The following CPS1 variants were observed in gnomAD, a reference collection of about 807,000 sequenced individuals.
CPS1 encodes the protein carbamoyl-phosphate synthase 1.
In CPS1, 109 loss-of-function variants were observed where a neutral mutation model predicts 174.6. The observed-to-expected ratio is 0.62, with a 90% CI of 0.53 to 0.73. CPS1 has a LOEUF of 0.73. CPS1 is among the 30% of genes least tolerant of loss of function. CPS1 has a pLI of 0.00. For missense variants in CPS1, 1,689 were observed against 1,821.9 expected (o/e 0.93, Z 1.33); for synonymous variants, 637 against 632.0 (o/e 1.01, Z -0.12).
intron 1 of CPS1, among the ~76,000 whole-genome samples, chr2:210,529,157 T>C (rs1696051151): frequency 6.6e-6 from 1 of 151,918 alleles, no homozygotes; most frequent in African/African-American, 2.4e-5. Context: ...GAGCTAATTT[T>C]GTATGTATTT....
chr2:210,641,554 A>T (rs1700225177), intron 24 of CPS1, among the ~76,000 whole-genome samples: 1 of 152,176 alleles, frequency 6.6e-6, no homozygotes, highest in South Asian at 2.1e-4. Context: ...GGATTTCAGG[A>T]GACACGTTCA....
intron 36 of CPS1, 119 bp downstream of exon 36, chr2:210,675,959 C>T (rs973412681): frequency 2.8e-6 from 2 of 705,634 alleles, no homozygotes; most frequent in Non-Finnish European, 5.3e-6. Flanking sequence ...AAAATGAATA[C>T]ATTTGTGGAT....
chr2:210,575,045 C>G (rs1230051260), intron 2 of CPS1, among the ~76,000 whole-genome samples: 1 of 151,928 alleles, frequency 6.6e-6, no homozygotes, highest in Non-Finnish European at 1.5e-5. Flanking sequence ...ATATTGTGGG[C>G]AAGCCTTGGT....
chr2:210,637,756 T>A lies in CPS1; in HGVS notation c.2742T>A (p.Asp914Glu). The A allele has an allele frequency of 6.2e-7, 1 of 1,614,028 alleles. No homozygotes were observed. Among genetic ancestry groups the A allele is most frequent in the Non-Finnish European group, 8.5e-7 (1 of 1,179,908 alleles). ...GGGCAAAGGAGATTGGGTTCTCAGA[T>A]AAGCAGATTTCAAAATGCCTTGGGC... Reference protein sequence around the residue: ...LKRAKEIGFSDKQISKCLGLT... With the variant: ...LKRAKEIGFSEKQISKCLGLT... Residue 914 changes from aspartate (D) to glutamate (E), a missense_variant, in exon 22 of 38, where the codon GAT (aspartate) becomes GAA (glutamate). By Grantham distance (45) the Asp-to-Glu change is conservative. Transcript: ENST00000233072.
At chr2:210,654,734 A>G (rs554601826) in intron 29 of CPS1, among the ~76,000 whole-genome samples, 3 of 152,324 alleles carry the variant, frequency 2.0e-5, no homozygotes, top group African/African-American at 4.8e-5. Context: ...TAGGGAGTCT[A>G]TGCCATTTTA....
chr2:210,606,381 G>A (rs931673948), intron 17 of CPS1, among the ~76,000 whole-genome samples: 12 of 151,832 alleles, frequency 7.9e-5, no homozygotes, highest in Admixed American at 3.9e-4. Flanking sequence ...GATACAGAAA[G>A]CCAGCTGATG....
chr2:210,644,269 A>G (rs889211856), intron 25 of CPS1, among the ~76,000 whole-genome samples: 1 of 152,074 alleles, frequency 6.6e-6, no homozygotes, highest in African/African-American at 2.4e-5. Flanking sequence ...AATTTAAAAT[A>G]TGTTGGCGGA....
At chr2:210,517,372 G>A (rs902073160) in intron 1 of CPS1, among the ~76,000 whole-genome samples, 1 of 151,990 alleles carries the variant, frequency 6.6e-6, no homozygotes, top group East Asian at 1.9e-4. Flanking sequence ...ATGACTTATT[G>A]TAAAGTAAAG....
intron 21 of CPS1, among the ~76,000 whole-genome samples, chr2:210,632,836 C>T (rs1389664157): frequency 3.9e-5 from 6 of 152,220 alleles, no homozygotes; most frequent in African/African-American, 1.4e-4. Context: ...TACCCAATAT[C>T]TGTATTCAAG....
At position 210,620,648 on chromosome 2, in the gene CPS1, G is replaced by A. The variant is rs1699483919; in HGVS notation, c.2687+4107G>A. Among the ~76,000 whole-genome samples, 4 of 152,096 alleles carry A rather than the reference G, an allele frequency of 2.6e-5. No homozygotes were observed. In the South Asian group the frequency reaches 8.3e-4, roughly 32 times the overall value. ...GCAGCCGTGTCCTATGGAAAAAGCA[G>A]GAGCCAGCCAGAGAGAGGGAGTCGG... On this transcript the variant is annotated intron_variant, in intron 21 of 37. Coordinates refer to ENST00000233072, the MANE Select transcript of CPS1 (RefSeq NM_001875.5).
intron 1 of CPS1, among the ~76,000 whole-genome samples, chr2:210,482,383 T>A (rs911249731): frequency 3.3e-5 from 5 of 151,306 alleles, no homozygotes; most frequent in African/African-American, 1.2e-4. Context: ...CTCGGCTCAC[T>A]CAGCTCACTC....
chr2:210,593,036 AC>A, intron 11 of CPS1, 80 bp downstream of exon 11: 1 of 1,191,482 alleles, frequency 8.4e-7, no homozygotes, highest in Non-Finnish European at 1.3e-6. Context: ...CAAAATAATC[AC>A]CCCAGATGAT....
intron 17 of CPS1, 82 bp from the exon 18 acceptor site, chr2:210,606,649 C>A: frequency 8.1e-7 from 1 of 1,235,872 alleles, no homozygotes; most frequent in Non-Finnish European, 1.2e-6. Context: ...CTATGTCTTG[C>A]ATCGTGCAAG....
intron 33 of CPS1, among the ~76,000 whole-genome samples, chr2:210,666,744 T>G (rs977918998): frequency 6.6e-6 from 1 of 152,202 alleles, no homozygotes; most frequent in African/African-American, 2.4e-5. Flanking sequence ...ATAGTGTAGT[T>G]TGAAGTCAGG....
intron 1 of CPS1, among the ~76,000 whole-genome samples, chr2:210,511,934 G>A (rs1425981267): frequency 1.3e-5 from 2 of 151,952 alleles, no homozygotes; most frequent in African/African-American, 4.8e-5. Context: ...TTTCTCTTAA[G>A]TCTTATTCTA....
At chr2:210,594,659 A>G (rs750902363) in intron 12 of CPS1, 53 bp downstream of exon 12, 19 of 1,320,418 alleles carry the variant, frequency 1.4e-5, no homozygotes, top group Non-Finnish European at 1.9e-5. Flanking sequence ...TCCCTATCAC[A>G]TGAAGATTTT....
intron 1 of CPS1, among the ~76,000 whole-genome samples, chr2:210,566,363 G>A (rs369632132): frequency 6.6e-6 from 1 of 152,078 alleles, no homozygotes; most frequent in African/African-American, 2.4e-5. Context: ...AAGGGCCTAG[G>A]ATCAGTGCAA....
chr2:210,661,577 C>T (rs1331502673), intron 32 of CPS1, among the ~76,000 whole-genome samples: 1 of 152,042 alleles, frequency 6.6e-6, no homozygotes, highest in Non-Finnish European at 1.5e-5. Flanking sequence ...AATTAAAAAT[C>T]TTGTTTAAGC....
intron 1 of CPS1, among the ~76,000 whole-genome samples, chr2:210,501,437 A>G (rs1455670660): frequency 1.3e-5 from 2 of 152,108 alleles, no homozygotes; most frequent in East Asian, 1.9e-4. Flanking sequence ...ATCCCAAACC[A>G]TATCTTTGTG....
Sources: gnomAD v4.1 joint callset for allele counts (sites outside exome capture counted in the v4.1 genomes callset) on GRCh38, gnomAD v4.1.1 for gene constraint, MANE v1.5 for transcripts, NCBI Gene and HGNC (gene_info 2026-07-23, HGNC 2026-07-21) for gene names.